STK32C: variants seen among roughly 807,000 people sequenced by gnomAD.
The protein encoded by STK32C is serine/threonine kinase 32C.
A neutral mutation model predicts 56.5 loss-of-function variants in STK32C; 31 were observed. The observed-to-expected ratio is 0.55, with a 90% CI of 0.41 to 0.74. The LOEUF (loss-of-function observed/expected upper bound fraction) is 0.74. Among genes scored for constraint, STK32C ranks in the 30% least tolerant of loss-of-function variants. The pLI is 0.00. For missense variants in STK32C, 544 were observed against 676.9 expected, an observed-to-expected ratio of 0.80 and a Z score of 2.18; for synonymous variants, 309 against 289.4, an observed-to-expected ratio of 1.07 and a Z score of -0.69.
At chr10:132,211,586 C>T (rs767223410) in intron 10 of STK32C, among the ~76,000 whole-genome samples, 2 of 152,214 alleles carry the variant, frequency 1.3e-5, no homozygotes, top group Non-Finnish European at 2.9e-5. Context: ...GTGTGTGTAG[C>T]GCCGCCAGCA....
intron 2 of STK32C, among the ~76,000 whole-genome samples, chr10:132,232,510 G>A (rs930872737): frequency 5.3e-5 from 8 of 151,964 alleles, no homozygotes; most frequent in Non-Finnish European, 4.4e-5. Flanking sequence ...GGAAACCGGC[G>A]GCCTTTTATG....
chr10:132,331,932 C>G, upstream of STK32C: 1 of 589,348 alleles, frequency 1.7e-6, no homozygotes, highest in East Asian at 3.5e-5. Context: ...CCACCGCAAG[C>G]GCAACCCCCC....
intron 1 of STK32C, among the ~76,000 whole-genome samples, chr10:132,254,325 CAAA>C (rs201364437): frequency 6.6e-6 from 1 of 151,300 alleles, no homozygotes; most frequent in Non-Finnish European, 1.5e-5. Flanking sequence ...AAAAAAACAA[CAAA>C]AAAAAATAGC....
At chr10:132,240,745 G>C (rs993489151) in intron 2 of STK32C, among the ~76,000 whole-genome samples, 1 of 152,104 alleles carries the variant, frequency 6.6e-6, no homozygotes, top group African/African-American at 2.4e-5. Flanking sequence ...GGGGTGCGCA[G>C]GGCAGGGCGA....
chr10:132,322,978 T>C (rs550553358), downstream of STK32C, among the ~76,000 whole-genome samples: 1 of 152,170 alleles, frequency 6.6e-6, no homozygotes, highest in Non-Finnish European at 1.5e-5. Context: ...GCTGGTTCTG[T>C]GTCTGTGAAA....
chr10:132,213,673 G>A (rs1009037383), intron 10 of STK32C, among the ~76,000 whole-genome samples: 3 of 152,212 alleles, frequency 2.0e-5, no homozygotes, highest in Admixed American at 1.3e-4. Flanking sequence ...GCACACATTA[G>A]AACAGATCCA....
At chr10:132,209,148 T>C (rs750867511) in intron 10 of STK32C, 47 bp from the exon 11 acceptor site, 5 of 1,550,994 alleles carry the variant, frequency 3.2e-6, no homozygotes, top group Non-Finnish European at 4.4e-6. Flanking sequence ...CTGTCCAGGT[T>C]CCGCCCATGT....
chr10:132,213,000 C>T (rs140176013), intron 10 of STK32C, among the ~76,000 whole-genome samples: 109 of 152,332 alleles, frequency 7.2e-4, no homozygotes, highest in East Asian at 4.2e-3. Context: ...AGAACTCCTG[C>T]GGCTGCGGTC....
chr10:132,228,259 G>GC, intron 2 of STK32C, 131 bp from the exon 3 acceptor site: 1 of 1,115,296 alleles, frequency 9.0e-7, no homozygotes, highest in Non-Finnish European at 1.4e-6. Flanking sequence ...ACGCGCCGCA[G>GC]CCCCTCTGCC....
chr10:132,242,429 G>T (rs1428880557), intron 2 of STK32C, among the ~76,000 whole-genome samples: 1 of 152,070 alleles, frequency 6.6e-6, no homozygotes, highest in Non-Finnish European at 1.5e-5. Flanking sequence ...ACCTGAGGTT[G>T]GGGGGGCTCT....
intron 2 of STK32C, among the ~76,000 whole-genome samples, chr10:132,233,435 C>T (rs754019555): frequency 2.0e-5 from 3 of 152,224 alleles, no homozygotes; most frequent in Non-Finnish European, 4.4e-5. Context: ...GATTCTAACG[C>T]GGTGAGTGGG....
chr10:132,228,898 C>G (rs1489337050), intron 2 of STK32C, among the ~76,000 whole-genome samples: 2 of 152,244 alleles, frequency 1.3e-5, no homozygotes, highest in African/African-American at 4.8e-5. Flanking sequence ...CCGCTGCCAC[C>G]ACAGTGGGAC....
intron 8 of STK32C, among the ~76,000 whole-genome samples, chr10:132,223,770 C>T (rs1365749984): frequency 6.6e-6 from 1 of 152,234 alleles, no homozygotes; most frequent in Non-Finnish European, 1.5e-5. Context: ...CACTCACTCC[C>T]CTCCCTGTCC....
At chr10:132,242,379 C>T (rs1590232684) in intron 2 of STK32C, among the ~76,000 whole-genome samples, 1 of 152,110 alleles carries the variant, frequency 6.6e-6, no homozygotes, top group Non-Finnish European at 1.5e-5. Context: ...GTAAACTCTG[C>T]GTTGTTGACT....
At chr10:132,321,447 T>G (rs553497956), downstream of STK32C, among the ~76,000 whole-genome samples, 4 of 152,164 alleles carry the variant, frequency 2.6e-5, no homozygotes, top group Admixed American at 1.3e-4. Flanking sequence ...GGACAATGTC[T>G]AAGATGACCC....
chr10:132,308,868 G>T (rs1174815376), upstream of STK32C, among the ~76,000 whole-genome samples: 1 of 152,234 alleles, frequency 6.6e-6, no homozygotes, highest in Non-Finnish European at 1.5e-5. Flanking sequence ...GCCTTGGAGT[G>T]CCCTGGAGAA....
intron 1 of STK32C, among the ~76,000 whole-genome samples, chr10:132,296,867 C>A (rs969849749): frequency 6.6e-6 from 1 of 152,228 alleles, no homozygotes; most frequent in East Asian, 1.9e-4. Context: ...CGCAGGCCCG[C>A]GCCCTCTGGG....
intron 1 of STK32C, among the ~76,000 whole-genome samples, chr10:132,313,888 GTTGT>G (rs2066267141): frequency 6.6e-6 from 1 of 152,356 alleles, no homozygotes; most frequent in South Asian, 2.1e-4. Flanking sequence ...TGAAATGGGG[GTTGT>G]TTAAGACCCA....
rs749645705 is a variant in STK32C, at chr10:132,225,556, G to A, written c.743C>T (p.Thr248Met). 3.2e-5 allele frequency: 52 copies of A among 1,613,852 alleles called. No homozygotes were observed. The highest frequency in any genetic ancestry group is 5.5e-5 in the South Asian group (5 of 91,084). ...GTACGGCTTGGTGCCTGCTAATGCC[G>A]TCGCCCGCTCCCCGTCCTTGATGAT... ...ATIIKDGERA[T>M]ALAGTKPYMA... Residue 248 changes from threonine (T) to methionine (M), a missense_variant, in exon 6 of 12, where the codon ACG becomes ATG. Thr to Met is a moderately conservative substitution (Grantham distance 81, BLOSUM62 -1). This residue lies in a region of STK32C where 85 missense variants were observed against 149.9 expected (regional missense o/e 0.57). Transcript: ENST00000298630.
Sources: allele counts gnomAD v4.1 joint callset (sites outside exome capture counted in the v4.1 genomes callset), GRCh38; gene constraint gnomAD v4.1.1; regional missense constraint gnomAD v4.1.1; transcripts MANE v1.5; gene names NCBI Gene and HGNC (gene_info 2026-07-23, HGNC 2026-07-21).